Variants in FHIT observed in about 807,000 individuals in gnomAD.
FHIT encodes fragile histidine triad diadenosine triphosphatase, also known as bis(5'-adenosyl)-triphosphatase.
FHIT carries 19 observed loss-of-function variants against 17.9 expected under a neutral mutation model. The observed-to-expected ratio is 1.06, with a 90% CI of 0.74 to 1.56. The LOEUF (loss-of-function observed/expected upper bound fraction) is 1.56, where lower values mean the gene tolerates loss of function less well. FHIT is among the 40% of genes most tolerant of loss of function. The probability of loss-of-function intolerance (pLI) is 0.00; values close to 1 mark genes in which losing one functional copy is unlikely to be tolerated. For missense variants in FHIT, 248 were observed against 189.2 expected (o/e 1.31, Z -1.82); for synonymous variants, 81 against 69.7 (o/e 1.16, Z -0.81).
At chr3:60,558,747 T>C (rs1242448202) in intron 4 of FHIT, among the ~76,000 whole-genome samples, 1 of 152,158 alleles carries the variant, frequency 6.6e-6, no homozygotes, top group African/African-American at 2.4e-5. Flanking sequence ...TAATTAACTA[T>C]GACATGTTCT....
chr3:59,993,526 T>C (rs1275991995), intron 7 of FHIT, among the ~76,000 whole-genome samples: 1 of 152,086 alleles, frequency 6.6e-6, no homozygotes, highest in Non-Finnish European at 1.5e-5. Context: ...ACAGCCTCTC[T>C]ACCTTCCCAG....
chr3:60,392,302 T>C (rs906645564), intron 5 of FHIT, among the ~76,000 whole-genome samples: 1 of 152,194 alleles, frequency 6.6e-6, no homozygotes, highest in Non-Finnish European at 1.5e-5. Flanking sequence ...GGAAGAATGG[T>C]AAAGTCGCTG....
intron 5 of FHIT, among the ~76,000 whole-genome samples, chr3:60,320,581 AT>A (rs1709381083): frequency 6.6e-6 from 1 of 152,218 alleles, no homozygotes; most frequent in African/African-American, 2.4e-5. Context: ...GAAAAATGGT[AT>A]GCTCTGAATG....
intron 2 of FHIT, among the ~76,000 whole-genome samples, chr3:61,165,314 T>A (rs564711717): frequency 1.3e-5 from 2 of 152,202 alleles, no homozygotes; most frequent in African/African-American, 4.8e-5. Context: ...GTTTTTAGAC[T>A]TTTTAATAAT....
intron 4 of FHIT, among the ~76,000 whole-genome samples, chr3:60,567,717 G>A (rs913049461): frequency 6.6e-6 from 1 of 151,994 alleles, no homozygotes; most frequent in Non-Finnish European, 1.5e-5. Context: ...TCTGACAAAG[G>A]GCTAATATCC....
chr3:59,933,734 TCC>T (rs758747583), intron 7 of FHIT, among the ~76,000 whole-genome samples: 3 of 152,204 alleles, frequency 2.0e-5, no homozygotes, highest in Non-Finnish European at 4.4e-5. Context: ...TCTTTCACTC[TCC>T]TAAGTTCTGC....
intron 5 of FHIT, among the ~76,000 whole-genome samples, chr3:60,030,139 C>T (rs1360765910): frequency 6.6e-6 from 1 of 152,028 alleles, no homozygotes; most frequent in African/African-American, 2.4e-5. Context: ...TGGCTGTTAG[C>T]ATTAAGGTTT....
chr3:60,341,686 C>G (rs1039532166), intron 5 of FHIT, among the ~76,000 whole-genome samples: 1 of 151,952 alleles, frequency 6.6e-6, no homozygotes, highest in Non-Finnish European at 1.5e-5. Context: ...TTATAATTAG[C>G]AACAGTCTTT....
At chr3:60,735,666 T>G (rs2042119875) in intron 4 of FHIT, among the ~76,000 whole-genome samples, 1 of 152,204 alleles carries the variant, frequency 6.6e-6, no homozygotes, top group African/African-American at 2.4e-5. Context: ...AGAGACATAT[T>G]TCTGATGCCA....
intron 5 of FHIT, among the ~76,000 whole-genome samples, chr3:60,357,614 A>T (rs1699728130): frequency 6.6e-6 from 1 of 152,174 alleles, no homozygotes; most frequent in African/African-American, 2.4e-5. Context: ...ACACTACTTA[A>T]GGATCAATTG....
At chr3:60,437,060 C>T (rs1282873696) in intron 5 of FHIT, among the ~76,000 whole-genome samples, 1 of 152,126 alleles carries the variant, frequency 6.6e-6, no homozygotes, top group South Asian at 2.1e-4. Flanking sequence ...TTTTCAATCT[C>T]TTCCCCCTGT....
chr3:60,656,768 C>T (rs2040125809), intron 4 of FHIT, among the ~76,000 whole-genome samples: 1 of 152,154 alleles, frequency 6.6e-6, no homozygotes, highest in Admixed American at 6.6e-5. Context: ...TCAGATTTAA[C>T]AAGGCAACTT....
At chr3:59,904,812 CCT>C (rs1368593831) in intron 8 of FHIT, among the ~76,000 whole-genome samples, 3 of 152,120 alleles carry the variant, frequency 2.0e-5, no homozygotes, top group Admixed American at 2.0e-4. Flanking sequence ...AGAAAGTTCC[CCT>C]GTGTGGCTGG....
chr3:60,552,601 G>A (rs1301882576), intron 4 of FHIT, among the ~76,000 whole-genome samples: 1 of 152,054 alleles, frequency 6.6e-6, no homozygotes, highest in African/African-American at 2.4e-5. Flanking sequence ...GTATAGTGAA[G>A]GCCAAGAAGC....
chr3:59,856,324 T>C (rs1702155347), intron 8 of FHIT, among the ~76,000 whole-genome samples: 3 of 152,230 alleles, frequency 2.0e-5, no homozygotes, highest in Admixed American at 2.0e-4. Context: ...TGTTAAAATT[T>C]TTTTTGCAAA....
At chr3:60,046,778 G>C (rs975497296) in intron 5 of FHIT, among the ~76,000 whole-genome samples, 3 of 152,274 alleles carry the variant, frequency 2.0e-5, no homozygotes, top group South Asian at 2.1e-4. Context: ...AGATGTTCTG[G>C]AGAAATATGT....
chr3:59,999,382 A>G (rs1699640591), intron 7 of FHIT, among the ~76,000 whole-genome samples: 1 of 152,166 alleles, frequency 6.6e-6, no homozygotes, highest in Non-Finnish European at 1.5e-5. Context: ...GAGGGAACCT[A>G]TTGGAAGTTA....
chr3:60,556,661 G>A (rs367902753), intron 4 of FHIT, among the ~76,000 whole-genome samples: 102 of 152,300 alleles, frequency 6.7e-4, no homozygotes, highest in African/African-American at 2.4e-3. Flanking sequence ...ACCCAACACC[G>A]CTCAGAAAAC....
chr3:61,046,967 A>G (rs75947637), intron 2 of FHIT, among the ~76,000 whole-genome samples: 1 of 152,182 alleles, frequency 6.6e-6, no homozygotes, highest in Non-Finnish European at 1.5e-5. Flanking sequence ...AACTCTCAAT[A>G]AACTAGGTAT....
Sources: gnomAD v4.1 joint callset for allele counts (sites outside exome capture counted in the v4.1 genomes callset) on GRCh38, gnomAD v4.1.1 for gene constraint, MANE v1.5 for transcripts, NCBI Gene and HGNC (gene_info 2026-07-23, HGNC 2026-07-21) for gene names.